The following ACBD6 variants were observed in gnomAD, a reference collection of about 807,000 sequenced individuals.
The protein encoded by ACBD6 is acyl-CoA binding domain containing 6.
ACBD6 carries 28 observed loss-of-function variants against 37.2 expected under a neutral mutation model. The ratio of observed to expected loss-of-function variants is 0.75; its 90% CI spans 0.56 to 1.03. The LOEUF is 1.03. ACBD6 is among the 50% of genes least tolerant of loss of function. ACBD6 has a pLI of 0.00. For missense variants in ACBD6, 340 were observed against 337.4 expected (o/e 1.01, Z -0.06); for synonymous variants, 113 against 126.8 (o/e 0.89, Z 0.73).
At position 180,271,483 on chromosome 1, in the gene ACBD6, C is replaced by T. The variant is rs752232336; in HGVS notation, c.*1742G>A. On this transcript the variant is annotated 3_prime_UTR_variant, in exon 14 of 14. Coordinates refer to the ACBD6 transcript ENST00000642319. ...AGAACTCCCCCAAGCCTGCCCGGCA[C>T]GTGAGGGAGCAGCTGTCCTCAGAGA... 50 of 1,614,010 alleles carry T rather than the reference C, an allele frequency of 3.1e-5. No individual in the cohort carries two copies. Among genetic ancestry groups the T allele is most frequent in the Middle Eastern group, 3.3e-4 (2 of 6,082 alleles).
intron 3 of ACBD6, among the ~76,000 whole-genome samples, chr1:180,468,210 G>A (rs1467550654): frequency 6.6e-6 from 1 of 152,178 alleles, no homozygotes; most frequent in Non-Finnish European, 1.5e-5. Flanking sequence ...CCTATCCTTG[G>A]GCAAAGTTTG....
intron 6 of ACBD6, among the ~76,000 whole-genome samples, chr1:180,321,723 A>T (rs1288445987): frequency 6.6e-6 from 1 of 152,202 alleles, no homozygotes; most frequent in African/African-American, 2.4e-5. Context: ...GTATCCTGCA[A>T]CTTTACTGAA....
At chr1:180,449,562 C>T (rs1649616154) in intron 3 of ACBD6, among the ~76,000 whole-genome samples, 1 of 151,958 alleles carries the variant, frequency 6.6e-6, no homozygotes, top group Admixed American at 6.6e-5. Flanking sequence ...TGCCCGCCAC[C>T]ACACCCGGCT....
chr1:180,475,741 T>C (rs1650753629), intron 3 of ACBD6, among the ~76,000 whole-genome samples: 1 of 152,202 alleles, frequency 6.6e-6, no homozygotes, highest in Non-Finnish European at 1.5e-5. Context: ...ATAATTTGTT[T>C]AGCCTTCTCC....
At chr1:180,425,251 C>G (rs1237219861) in intron 4 of ACBD6, among the ~76,000 whole-genome samples, 1 of 152,180 alleles carries the variant, frequency 6.6e-6, no homozygotes, top group Non-Finnish European at 1.5e-5. Context: ...ATTATTTATG[C>G]CAGCTGAGGT....
intron 3 of ACBD6, among the ~76,000 whole-genome samples, chr1:180,454,298 G>C (rs910350158): frequency 1.2e-4 from 18 of 152,154 alleles, no homozygotes; most frequent in Admixed American, 1.2e-3. Flanking sequence ...TTAATAAATG[G>C]TATTGGGAAA....
At chr1:180,307,409 A>C (rs1650425535) in intron 7 of ACBD6, among the ~76,000 whole-genome samples, 1 of 150,426 alleles carries the variant, frequency 6.6e-6, no homozygotes, top group Non-Finnish European at 1.5e-5. Flanking sequence ...ATGGGTACAA[A>C]AAAATTGTTA....
chr1:180,443,346 T>C (rs1164522694), intron 3 of ACBD6, among the ~76,000 whole-genome samples: 1 of 152,164 alleles, frequency 6.6e-6, no homozygotes, highest in Non-Finnish European at 1.5e-5. Flanking sequence ...GCTCCAGAAA[T>C]TGGCCTACTG....
At chr1:180,489,503 TATTA>T (rs1018623255) in intron 3 of ACBD6, among the ~76,000 whole-genome samples, 1 of 151,244 alleles carries the variant, frequency 6.6e-6, no homozygotes, top group African/African-American at 2.4e-5. Flanking sequence ...GTATTAAATA[TATTA>T]ATTTTTTAAA....
intron 5 of ACBD6, among the ~76,000 whole-genome samples, chr1:180,411,793 G>A (rs1480949754): frequency 3.3e-5 from 5 of 151,924 alleles, no homozygotes; most frequent in Non-Finnish European, 5.9e-5. Flanking sequence ...AGCCTCCCCC[G>A]AGTAGCTGGG....
chr1:180,368,796 A>G (rs542349030), intron 6 of ACBD6, among the ~76,000 whole-genome samples: 1 of 152,098 alleles, frequency 6.6e-6, no homozygotes, highest in East Asian at 1.9e-4. Context: ...TAGAACAATT[A>G]TAACAACATA....
At chr1:180,489,831 AT>A (rs1240529245) in intron 3 of ACBD6, among the ~76,000 whole-genome samples, 2 of 151,626 alleles carry the variant, frequency 1.3e-5, no homozygotes, top group African/African-American at 4.8e-5. Flanking sequence ...TAATTTTTGC[AT>A]TTTTTTAGTA....
intron 3 of ACBD6, among the ~76,000 whole-genome samples, chr1:180,458,836 T>A: frequency 6.6e-6 from 1 of 152,178 alleles, no homozygotes; most frequent in East Asian, 1.9e-4. Flanking sequence ...AAATAATGAT[T>A]CCTAAAAAGT....
At chr1:180,452,254 G>A (rs1215870430) in intron 3 of ACBD6, among the ~76,000 whole-genome samples, 3 of 152,164 alleles carry the variant, frequency 2.0e-5, no homozygotes, top group East Asian at 3.9e-4. Flanking sequence ...GGCAGATCAC[G>A]AGGTCAAGAG....
intron 3 of ACBD6, among the ~76,000 whole-genome samples, chr1:180,441,649 A>AT (rs1553211207): frequency 6.6e-6 from 1 of 152,116 alleles, no homozygotes; most frequent in Non-Finnish European, 1.5e-5. Context: ...TGTAAATGGA[A>AT]TTTTTTTGTT....
chr1:180,322,948 G>A (rs1266730301), intron 6 of ACBD6, among the ~76,000 whole-genome samples: 1 of 151,078 alleles, frequency 6.6e-6, no homozygotes, highest in Non-Finnish European at 1.5e-5. Context: ...GGTTCTTTAG[G>A]ATGCACCATT....
chr1:180,365,238 G>A (rs1653010642), intron 6 of ACBD6, among the ~76,000 whole-genome samples: 1 of 152,186 alleles, frequency 6.6e-6, no homozygotes, highest in Admixed American at 6.5e-5. Context: ...CCTGTCAACA[G>A]AGGGCAGTAG....
At chr1:180,292,879 C>T (rs1649770434) in intron 7 of ACBD6, among the ~76,000 whole-genome samples, 1 of 151,870 alleles carries the variant, frequency 6.6e-6, no homozygotes, top group Non-Finnish European at 1.5e-5. Flanking sequence ...AAAGAAATTC[C>T]CTACTATTTC....
chr1:180,335,004 G>A (rs1360725368), intron 6 of ACBD6, among the ~76,000 whole-genome samples: 3 of 152,170 alleles, frequency 2.0e-5, no homozygotes, highest in African/African-American at 4.8e-5. Context: ...AGAAATATGG[G>A]ACTACGTGAA....
Sources: allele counts gnomAD v4.1 joint callset (sites outside exome capture counted in the v4.1 genomes callset), GRCh38; gene constraint gnomAD v4.1.1; transcripts MANE v1.5; gene names NCBI Gene and HGNC (gene_info 2026-07-23, HGNC 2026-07-21).